The following NELL1 variants were observed in gnomAD, a reference collection of about 807,000 sequenced individuals.
NELL1 encodes protein kinase C-binding protein NELL1.
NELL1 carries 76 observed loss-of-function variants against 107.4 expected under a neutral mutation model. The observed-to-expected ratio is 0.71, with a 90% CI of 0.59 to 0.86. The LOEUF is 0.86. Ranked by LOEUF, NELL1 falls within the 40% of genes least tolerant of loss-of-function variation. NELL1 has a pLI of 0.00. For missense variants in NELL1, 1,024 were observed against 1,005.5 expected, an observed-to-expected ratio of 1.02 and a Z score of -0.25; for synonymous variants, 353 against 341.2, an observed-to-expected ratio of 1.03 and a Z score of -0.38.
chr11:21,447,632 G>A (rs560505466), intron 15 of NELL1, among the ~76,000 whole-genome samples: 43 of 152,264 alleles, frequency 2.8e-4, no homozygotes, highest in African/African-American at 8.9e-4. Flanking sequence ...TCTAGTAGAA[G>A]GAAGAGATCT....
chr11:20,796,779 A>C (rs1378366815), intron 3 of NELL1, among the ~76,000 whole-genome samples: 1 of 152,208 alleles, frequency 6.6e-6, no homozygotes, highest in African/African-American at 2.4e-5. Flanking sequence ...TCAAAGAAAC[A>C]CTGCCAAGTA....
intron 2 of NELL1, among the ~76,000 whole-genome samples, chr11:20,765,331 G>A (rs1400409852): frequency 6.6e-6 from 1 of 152,180 alleles, no homozygotes; most frequent in East Asian, 1.9e-4. Context: ...ATTACCAATG[G>A]ATTACCAGTC....
At chr11:21,469,053 C>G (rs1854105422) in intron 15 of NELL1, among the ~76,000 whole-genome samples, 1 of 151,578 alleles carries the variant, frequency 6.6e-6, no homozygotes, top group Non-Finnish European at 1.5e-5. Context: ...CATCCATGAG[C>G]AAGAAGAACA....
At chr11:20,676,616 G>A (rs899195534) in intron 1 of NELL1, among the ~76,000 whole-genome samples, 26 of 152,190 alleles carry the variant, frequency 1.7e-4, no homozygotes, top group African/African-American at 4.8e-4. Context: ...CTGACCAACC[G>A]TCTGTTGACA....
At chr11:20,704,159 A>G (rs1437247450) in intron 2 of NELL1, among the ~76,000 whole-genome samples, 1 of 152,052 alleles carries the variant, frequency 6.6e-6, no homozygotes. Flanking sequence ...GTAGGTCTCT[A>G]AGGTCTTGCT....
At chr11:21,294,734 A>G (rs901549232) in intron 14 of NELL1, among the ~76,000 whole-genome samples, 4 of 152,040 alleles carry the variant, frequency 2.6e-5, no homozygotes, top group Admixed American at 6.6e-5. Context: ...TTAAAAGTCA[A>G]AGGGTTTGGC....
intron 12 of NELL1, among the ~76,000 whole-genome samples, chr11:21,110,946 C>G (rs1403141057): frequency 6.6e-6 from 1 of 152,170 alleles, no homozygotes; most frequent in African/African-American, 2.4e-5. Flanking sequence ...ATTTTATGAA[C>G]AGCACACTAA....
At chr11:21,251,904 T>C (rs1858648033) in intron 14 of NELL1, among the ~76,000 whole-genome samples, 1 of 152,110 alleles carries the variant, frequency 6.6e-6, no homozygotes, top group African/African-American at 2.4e-5. Flanking sequence ...ACTTCAATGA[T>C]AGAGCTTCAG....
intron 10 of NELL1, 68 bp from the exon 11 acceptor site, chr11:20,947,268 C>T (rs1850981052): frequency 3.0e-6 from 3 of 1,012,760 alleles, no homozygotes; most frequent in East Asian, 4.8e-5. Flanking sequence ...TAACAAAGAA[C>T]ATTATAAGTT....
chr11:20,690,349 T>C, intron 2 of NELL1, among the ~76,000 whole-genome samples: 1 of 152,254 alleles, frequency 6.6e-6, no homozygotes, highest in Non-Finnish European at 1.5e-5. Flanking sequence ...AGACATGAAG[T>C]CCTTGCCCAT....
At chr11:21,099,231 ACAAACAC>A (rs1854740300) in intron 12 of NELL1, among the ~76,000 whole-genome samples, 1 of 122,662 alleles carries the variant, frequency 8.2e-6, no homozygotes, top group Non-Finnish European at 1.7e-5. Flanking sequence ...ACACACACAC[ACAAACAC>A]ACACACACAC....
intron 13 of NELL1, among the ~76,000 whole-genome samples, chr11:21,146,741 A>G (rs562462290): frequency 4.1e-4 from 62 of 152,176 alleles, no homozygotes; most frequent in Admixed American, 1.2e-3. Context: ...CACTTTTATC[A>G]TCTAGATGAG....
rs1190415628 is a variant in NELL1, at chr11:21,549,166, T to G, written c.1787-11023T>G. On this transcript the variant is annotated intron_variant, in intron 16 of 19. Coordinates refer to ENST00000357134, the MANE Select transcript of NELL1 (RefSeq NM_006157.5). ...TTTGGTAGAAATGTTTGAGAAGCAG[T>G]GATCATTTAAGTGACTCTCAGTTTG... Among the ~76,000 whole-genome samples the G allele has an allele frequency of 2.6e-5, 4 of 151,988 alleles. No individual in the cohort carries two copies. In the East Asian group the frequency reaches 7.8e-4, roughly 30 times the overall value.
intron 12 of NELL1, among the ~76,000 whole-genome samples, chr11:21,015,127 C>T (rs1187087071): frequency 6.6e-6 from 1 of 151,958 alleles, no homozygotes; most frequent in African/African-American, 2.4e-5. Context: ...TTTCTTTCTT[C>T]TTCCTTTTCC....
intron 14 of NELL1, among the ~76,000 whole-genome samples, chr11:21,249,725 T>C (rs1242723927): frequency 1.3e-5 from 2 of 152,174 alleles, no homozygotes; most frequent in East Asian, 3.9e-4. Context: ...ATGCTAATGT[T>C]CACTTGAATG....
At chr11:21,248,274 A>G (rs1346586250) in intron 14 of NELL1, among the ~76,000 whole-genome samples, 1 of 151,812 alleles carries the variant, frequency 6.6e-6, no homozygotes, top group East Asian at 1.9e-4. Flanking sequence ...TAAGCCCAGG[A>G]TGTCGAAGCT....
At chr11:21,071,607 C>A (rs1274767339) in intron 12 of NELL1, among the ~76,000 whole-genome samples, 1 of 152,170 alleles carries the variant, frequency 6.6e-6, no homozygotes, top group Non-Finnish European at 1.5e-5. Context: ...ACAAAACAGT[C>A]TCTGGCCATG....
chr11:21,357,019 T>C (rs1227775244), intron 14 of NELL1, among the ~76,000 whole-genome samples: 1 of 152,236 alleles, frequency 6.6e-6, no homozygotes, highest in African/African-American at 2.4e-5. Flanking sequence ...TTCCATGCTG[T>C]ATATATACCA....
At chr11:21,414,309 G>C (rs1273240998) in intron 15 of NELL1, among the ~76,000 whole-genome samples, 1 of 152,038 alleles carries the variant, frequency 6.6e-6, no homozygotes, top group African/African-American at 2.4e-5. Flanking sequence ...GTGCTATGCA[G>C]GGTGTTTTGG....
Sources: gnomAD v4.1 joint callset for allele counts (sites outside exome capture counted in the v4.1 genomes callset) on GRCh38, gnomAD v4.1.1 for gene constraint, MANE v1.5 for transcripts, NCBI Gene and HGNC (gene_info 2026-07-23, HGNC 2026-07-21) for gene names.